CFDP1: variants seen among roughly 807,000 people sequenced by gnomAD.
CFDP1 encodes the protein chromatin remodeling protein CFDP1.
A neutral mutation model predicts 40.1 loss-of-function variants in CFDP1; 31 were observed. The observed-to-expected ratio is 0.77, with a 90% CI of 0.58 to 1.04. The LOEUF is 1.04. CFDP1 is among the 50% of genes least tolerant of loss of function. The pLI is 0.00. For missense variants in CFDP1, 423 were observed against 343.4 expected (o/e 1.23, Z -1.83); for synonymous variants, 167 against 120.0 (o/e 1.39, Z -2.56).
intron 5 of CFDP1, among the ~76,000 whole-genome samples, chr16:75,388,432 T>G (rs569058422): frequency 6.6e-6 from 1 of 152,168 alleles, no homozygotes; most frequent in African/African-American, 2.4e-5. Context: ...AAGGGAAACA[T>G]GTTACCCTAG....
chr16:75,424,709 G>A (rs1312086014), intron 1 of CFDP1, among the ~76,000 whole-genome samples: 1 of 148,872 alleles, frequency 6.7e-6, no homozygotes, highest in Admixed American at 6.7e-5. Context: ...ACCCAAGATC[G>A]TGCCACTGCA....
At chr16:75,427,541 G>C (rs770357904) in intron 1 of CFDP1, among the ~76,000 whole-genome samples, 31 of 152,000 alleles carry the variant, frequency 2.0e-4, no homozygotes, top group Non-Finnish European at 4.0e-4. Flanking sequence ...ATGAGCCACC[G>C]CGCTCGGCCC....
intron 5 of CFDP1, among the ~76,000 whole-genome samples, chr16:75,369,377 C>T (rs2078736691): frequency 6.7e-6 from 1 of 150,276 alleles, no homozygotes; most frequent in Non-Finnish European, 1.5e-5. Flanking sequence ...AGCAAAAGTT[C>T]GCTTCAAAAA....
At chr16:75,369,277 C>T (rs2078735922) in intron 5 of CFDP1, among the ~76,000 whole-genome samples, 3 of 151,920 alleles carry the variant, frequency 2.0e-5, no homozygotes, top group South Asian at 2.1e-4. Flanking sequence ...GCAGGCCAGG[C>T]GCAGTAGCTC....
Position 75,338,472 on chromosome 16 carries a change from G to T in CFDP1, c.651-33290C>A, listed in dbSNP as rs193077609. On this transcript the variant is annotated intron_variant, in intron 5 of 6. Coordinates refer to ENST00000283882, the MANE Select transcript of CFDP1 (RefSeq NM_006324.3). ...GAGTACAGATGAGCATCTTAAAGATGAGCATGATCTGGAGGACTGGATTTC... is the reference window on the plus strand; with the variant it reads ...GAGTACAGATGAGCATCTTAAAGATTAGCATGATCTGGAGGACTGGATTTC... Among the ~76,000 whole-genome samples the T allele has an allele frequency of 2.6e-5, 4 of 152,312 alleles. No individual in the cohort carries two copies. In the East Asian group the frequency reaches 7.7e-4, roughly 29 times the overall value.
chr16:75,406,882 G>A (rs1252140145), intron 4 of CFDP1, among the ~76,000 whole-genome samples: 3 of 152,004 alleles, frequency 2.0e-5, no homozygotes, highest in African/African-American at 7.2e-5. Flanking sequence ...TTAGCCAGGC[G>A]TGGTGGCAGA....
chr16:75,303,396 A>ATGTATGTATGTATGT (rs1555552208), intron 6 of CFDP1, among the ~76,000 whole-genome samples: 1 of 60,058 alleles, frequency 1.7e-5, no homozygotes, highest in Non-Finnish European at 4.7e-5. Flanking sequence ...TAAATAAATA[A>ATGTATGTATGTATGT]ATAAATGTAT....
Position 75,433,461 on chromosome 16 carries a change from G to A in CFDP1, c.-109C>T, listed in dbSNP as rs74024782. The A allele has an allele frequency of 8.4e-4, 882 of 1,055,694 alleles. 9 individuals are homozygous for A. In the African/African-American group the frequency reaches 0.012, roughly 15 times the overall value. The allele number at this position is 1,055,694 out of a possible 1,614,324, so 65.4% of individuals were successfully genotyped here. On this transcript the variant is annotated 5_prime_UTR_variant, in exon 1 of 7. Coordinates refer to ENST00000283882, the MANE Select transcript of CFDP1 (RefSeq NM_006324.3). The stretch of plus-strand genomic sequence containing the variant: ...CCCCGGCGGCGGCGACGGCAGCTAG[G>A]GCGGCCCCCGACAGCGCTTTGCACA...
chr16:75,351,720 G>A (rs2078612507), intron 5 of CFDP1, among the ~76,000 whole-genome samples: 1 of 152,076 alleles, frequency 6.6e-6, no homozygotes, highest in South Asian at 2.1e-4. Context: ...ATATGAAAAG[G>A]TAAATAGCCA....
At chr16:75,369,740 A>G (rs189936138) in intron 5 of CFDP1, among the ~76,000 whole-genome samples, 3 of 152,246 alleles carry the variant, frequency 2.0e-5, no homozygotes, top group African/African-American at 7.2e-5. Context: ...CCAACACTTT[A>G]CTTACTTACT....
intron 5 of CFDP1, among the ~76,000 whole-genome samples, chr16:75,373,927 C>T (rs2151542046): frequency 6.6e-6 from 1 of 152,110 alleles, no homozygotes; most frequent in South Asian, 2.1e-4. Context: ...TGATAAAAAA[C>T]CTAAATGTCT....
intron 5 of CFDP1, among the ~76,000 whole-genome samples, chr16:75,390,544 C>T (rs547368037): frequency 1.9e-4 from 29 of 152,300 alleles, no homozygotes; most frequent in African/African-American, 5.8e-4. Flanking sequence ...TTGCTGTATT[C>T]GGAGTTGAGC....
At chr16:75,334,404 A>C (rs565249568) in intron 5 of CFDP1, among the ~76,000 whole-genome samples, 2 of 151,108 alleles carry the variant, frequency 1.3e-5, no homozygotes, top group South Asian at 4.3e-4. Flanking sequence ...GCCAGCCCGA[A>C]GTGCTCTAGA....
intron 6 of CFDP1, among the ~76,000 whole-genome samples, chr16:75,294,912 G>C (rs1037098864): frequency 1.3e-5 from 2 of 152,204 alleles, no homozygotes; most frequent in African/African-American, 4.8e-5. Flanking sequence ...TAGGAGTGAG[G>C]CTGGCTGCTT....
chr16:75,387,478 G>C (rs1246881457), intron 5 of CFDP1, among the ~76,000 whole-genome samples: 1 of 152,166 alleles, frequency 6.6e-6, no homozygotes, highest in Non-Finnish European at 1.5e-5. Flanking sequence ...TGTCATTCTG[G>C]AGCTGATAAG....
intron 4 of CFDP1, among the ~76,000 whole-genome samples, chr16:75,398,950 G>A (rs931626968): frequency 1.1e-4 from 16 of 151,722 alleles, no homozygotes; most frequent in African/African-American, 3.6e-4. Flanking sequence ...CCAGCTACTC[G>A]GGAGGCTGAG....
chr16:75,303,146 C>G (rs973501547), intron 6 of CFDP1, among the ~76,000 whole-genome samples: 1 of 144,308 alleles, frequency 6.9e-6, no homozygotes, highest in Non-Finnish European at 1.5e-5. Context: ...GTTGCAGTGA[C>G]CCAAGATCAC....
chr16:75,311,469 T>C (rs541778336), intron 5 of CFDP1, among the ~76,000 whole-genome samples: 7 of 152,294 alleles, frequency 4.6e-5, no homozygotes, highest in African/African-American at 1.4e-4. Context: ...AAATCCTCAT[T>C]ATTTGACAAT....
At chr16:75,418,575 C>G (rs917948385) in intron 1 of CFDP1, among the ~76,000 whole-genome samples, 1 of 152,042 alleles carries the variant, frequency 6.6e-6, no homozygotes, top group African/African-American at 2.4e-5. Flanking sequence ...TCCCAAAGTG[C>G]TGGGATTACA....
Sources: allele counts gnomAD v4.1 joint callset (sites outside exome capture counted in the v4.1 genomes callset), GRCh38; gene constraint gnomAD v4.1.1; transcripts MANE v1.5; gene names NCBI Gene and HGNC (gene_info 2026-07-23, HGNC 2026-07-21).